The following WWC1 variants were observed in gnomAD, a reference collection of about 807,000 sequenced individuals.
WWC1 encodes WW and C2 domain containing 1, also known as protein KIBRA.
WWC1 carries 55 observed loss-of-function variants against 138.4 expected under a neutral mutation model. That is an observed-to-expected ratio of 0.40 (90% CI 0.32 to 0.50). The LOEUF (loss-of-function observed/expected upper bound fraction) is 0.50. Ranked by LOEUF, WWC1 falls within the 20% of genes least tolerant of loss-of-function variation. The probability of loss-of-function intolerance (pLI) is 0.72; values close to 1 mark genes in which losing one functional copy is unlikely to be tolerated. For synonymous variants in WWC1, 524 were observed against 564.9 expected, an observed-to-expected ratio of 0.93 and a Z score of 1.03; for missense variants, 1,226 against 1,420.4, an observed-to-expected ratio of 0.86 and a Z score of 2.20.
intron 5 of WWC1, among the ~76,000 whole-genome samples, chr5:168,403,060 T>TTCTC (rs1397489510): frequency 1.6e-5 from 2 of 123,948 alleles, no homozygotes; most frequent in Non-Finnish European, 3.4e-5. Flanking sequence ...CTTTCTTTCT[T>TTCTC]TCTTTCTTTC....
At chr5:168,441,036 C>G (rs771617097) in intron 15 of WWC1, among the ~76,000 whole-genome samples, 1 of 152,162 alleles carries the variant, frequency 6.6e-6, no homozygotes, top group Non-Finnish European at 1.5e-5. Context: ...CGCATCACCG[C>G]ACTCCAGCCT....
chr5:168,375,911 C>A (rs1777130979), intron 2 of WWC1, among the ~76,000 whole-genome samples: 1 of 152,038 alleles, frequency 6.6e-6, no homozygotes, highest in South Asian at 2.1e-4. Flanking sequence ...GCCATTTTTA[C>A]TATTTCATGT....
chr5:168,353,783 A>G (rs1775179214), intron 1 of WWC1, among the ~76,000 whole-genome samples: 1 of 152,206 alleles, frequency 6.6e-6, no homozygotes, highest in South Asian at 2.1e-4. Flanking sequence ...GGCCCAAGCT[A>G]CTTCCTGCTT....
intron 21 of WWC1, among the ~76,000 whole-genome samples, chr5:168,465,979 G>T (rs77773093): frequency 6.6e-6 from 1 of 152,078 alleles, no homozygotes; most frequent in Non-Finnish European, 1.5e-5. Flanking sequence ...GGGAGAGCTC[G>T]GGAAGAGGGA....
intron 15 of WWC1, among the ~76,000 whole-genome samples, 175 bp from the exon 16 acceptor site, chr5:168,441,507 G>T (rs536895357): frequency 6.6e-6 from 1 of 152,156 alleles, no homozygotes; most frequent in Non-Finnish European, 1.5e-5. Context: ...ATCAATGAAT[G>T]AATGAACAAA....
chr5:168,408,028 AT>A (rs1181472544), intron 6 of WWC1, among the ~76,000 whole-genome samples: 210 of 117,434 alleles, frequency 1.8e-3, no homozygotes, highest in African/African-American at 3.3e-3. Context: ...ACATCCAGCT[AT>A]TTTTTTTTTT....
Position 168,292,766 on chromosome 5 carries a change from G to C in WWC1, c.119+495G>C, listed in dbSNP as rs1475404848. Among the ~76,000 whole-genome samples, 1 of 152,150 alleles carries C rather than the reference G, an allele frequency of 6.6e-6. No individual in the cohort carries two copies. The highest frequency in any genetic ancestry group is 1.5e-5 in the Non-Finnish European group (1 of 68,022). ...GGAGACCACTGGAGAGAGGGCACTC[G>C]GCGCAGAGGAAGGCAACCTGAGGTG... On this transcript the variant is annotated intron_variant, in intron 1 of 22. Coordinates refer to ENST00000265293, the MANE Select transcript of WWC1 (RefSeq NM_015238.3). This position sits in a 1 kb window ranked among gnomAD's most constrained non-coding sequence, Gnocchi z 4.4.
chr5:168,440,807 G>A (rs548319297), intron 15 of WWC1, among the ~76,000 whole-genome samples: 16 of 152,220 alleles, frequency 1.1e-4, no homozygotes, highest in Middle Eastern at 3.4e-3. Flanking sequence ...GTGAGCCACC[G>A]CGCCCGGCCT....
At chr5:168,366,556 A>C (rs1477927373) in intron 1 of WWC1, among the ~76,000 whole-genome samples, 3 of 152,094 alleles carry the variant, frequency 2.0e-5, no homozygotes, top group African/African-American at 7.2e-5. Context: ...GTCTGTGTTC[A>C]CTGCAAGTGG....
rs758036800 is a variant in WWC1 at position 168,397,798 on chromosome 5, C to T, written c.508C>T (p.Arg170Trp). ...LKAEIATAKS[R>W]VNKLKREMVH... ...AGCTGAAATTGCCACTGCAAAATCC[C>T]GGGTAGGACCTCTTCACCTATGCTA... The change falls in exon 4 of 23, where the codon CGG becomes TGG. Residue 170 changes from arginine (R) to tryptophan (W), a missense_variant and splice_region_variant. By Grantham distance (101) the Arg-to-Trp change is moderately radical (BLOSUM62 -3). Coordinates refer to ENST00000265293, the MANE Select transcript of WWC1 (RefSeq NM_015238.3). 16 of 1,613,882 alleles carry T rather than the reference C, an allele frequency of 9.9e-6. No homozygotes were observed. Among genetic ancestry groups the T allele is most frequent in the Admixed American group, 3.3e-5 (2 of 60,008 alleles).
Position 168,408,489 on chromosome 5 carries a change from T to C in WWC1, c.721-18T>C. On this transcript the variant is annotated intron_variant, in intron 6 of 22. Transcript: ENST00000265293. Reference sequence around the variant, plus strand: ...TCCTGGGAAGGCGCATCACTAACCCTGCTCTCCCCTCCTTCAGAGCCTTGC... The same window carrying C: ...TCCTGGGAAGGCGCATCACTAACCCCGCTCTCCCCTCCTTCAGAGCCTTGC... 2 of 1,613,516 alleles carry C rather than the reference T, an allele frequency of 1.2e-6. No homozygotes were observed. Among genetic ancestry groups the C allele is most frequent in the Non-Finnish European group, 1.7e-6 (2 of 1,179,654 alleles).
intron 17 of WWC1, among the ~76,000 whole-genome samples, chr5:168,446,401 T>C (rs1445711141): frequency 6.6e-6 from 1 of 152,202 alleles, no homozygotes; most frequent in East Asian, 1.9e-4. Flanking sequence ...ATTCCTTGTA[T>C]TATGAGAAAG....
At chr5:168,421,336 A>G in intron 9 of WWC1, among the ~76,000 whole-genome samples, 1 of 152,238 alleles carries the variant, frequency 6.6e-6, no homozygotes, top group East Asian at 1.9e-4. Context: ...CACCAGTCTC[A>G]GCCACAGAGT....
At chr5:168,361,372 TA>T (rs1775865025) in intron 1 of WWC1, among the ~76,000 whole-genome samples, 2 of 152,136 alleles carry the variant, frequency 1.3e-5, no homozygotes. Context: ...TTTAGGAAAT[TA>T]CCTTCCAAGT....
At chr5:168,296,135 A>G (rs1769519899) in intron 1 of WWC1, among the ~76,000 whole-genome samples, 1 of 151,834 alleles carries the variant, frequency 6.6e-6, no homozygotes, top group Non-Finnish European at 1.5e-5. Context: ...AAACAAATGC[A>G]CCGATTGTTC....
At chr5:168,454,187 T>G (rs1427535151) in intron 18 of WWC1, 87 bp downstream of exon 18, 1 of 1,547,236 alleles carries the variant, frequency 6.5e-7, no homozygotes, top group Non-Finnish European at 8.7e-7. Context: ...GACTCAGAGC[T>G]AAGTCTTGGC....
intron 1 of WWC1, among the ~76,000 whole-genome samples, chr5:168,349,610 C>T (rs1774768406): frequency 6.6e-6 from 1 of 152,212 alleles, no homozygotes. Context: ...GTGGCCACGT[C>T]AAGCTGGTAC....
chr5:168,422,005 C>A lies in WWC1; in HGVS notation c.1185-3C>A. 6.2e-7 allele frequency: 1 copy of A among 1,609,970 alleles called. No homozygotes were observed. Among genetic ancestry groups the A allele is most frequent in the Non-Finnish European group, 8.5e-7 (1 of 1,177,536 alleles). On this transcript the variant is annotated splice_region_variant and splice_polypyrimidine_tract_variant and intron_variant, in intron 9 of 22. Transcript: ENST00000265293. The stretch of plus-strand genomic sequence containing the variant: ...ATCCCTCGCATGCTTTCTCTCCTTC[C>A]AGGTTAAAGTTAAACAGTAAGAGGA...
intron 1 of WWC1, among the ~76,000 whole-genome samples, chr5:168,321,051 C>T (rs977848975): frequency 2.6e-5 from 4 of 152,128 alleles, no homozygotes; most frequent in African/African-American, 9.7e-5. Context: ...CATGGGTTAC[C>T]GTAGGCCGCT....
Sources: gnomAD v4.1 joint callset for allele counts (sites outside exome capture counted in the v4.1 genomes callset) on GRCh38, gnomAD v4.1.1 for gene constraint, Gnocchi (gnomAD v3.1) non-coding constraint, MANE v1.5 for transcripts, NCBI Gene and HGNC (gene_info 2026-07-23, HGNC 2026-07-21) for gene names.